Variants in IGSF10 observed in about 807,000 individuals in gnomAD.
IGSF10 encodes immunoglobulin superfamily member 10, also known as calvaria mechanical force protein 608.
In IGSF10, 126 loss-of-function variants were observed where a neutral mutation model predicts 128.2. The ratio of observed to expected loss-of-function variants is 0.98; its 90% CI spans 0.85 to 1.14. The LOEUF (loss-of-function observed/expected upper bound fraction) is 1.14. Among genes scored for constraint, IGSF10 ranks in the 50% most tolerant of loss-of-function variants. The probability of loss-of-function intolerance (pLI) is 0.00; values close to 1 mark genes in which losing one functional copy is unlikely to be tolerated. For missense variants in IGSF10, 3,295 were observed against 3,149.8 expected (o/e 1.05, Z -1.10); for synonymous variants, 1,185 against 1,146.2 (o/e 1.03, Z -0.68).
chr3:151,484,399 A>T, the IGSF10 span, among the ~76,000 whole-genome samples: 115 of 152,214 alleles, frequency 7.6e-4, no homozygotes, highest in African/African-American at 2.7e-3. Flanking sequence ...AATGTCCCTG[A>T]CTGATGGCTC....
chr3:151,457,271 T>G (rs1721841183), intron 3 of IGSF10, 116 bp from the exon 4 acceptor site: 1 of 958,322 alleles, frequency 1.0e-6, no homozygotes, highest in African/African-American at 1.7e-5. Flanking sequence ...TGTACTCTAT[T>G]GAGACAATCA....
At chr3:151,480,992 G>A in the IGSF10 span, among the ~76,000 whole-genome samples, 1 of 152,084 alleles carries the variant, frequency 6.6e-6, no homozygotes, top group Non-Finnish European at 1.5e-5. Context: ...AGGAATTATT[G>A]GTGTCCCTAG....
rs1721151994 is a variant in IGSF10, at chr3:151,445,814, A to G, written c.4167T>C (p.Ser1389=). Residue 1389 remains serine, a synonymous_variant, in exon 6 of 8, where the codon AGT becomes AGC. Transcript: ENST00000282466. ...GTGGGGAATGAGTGAATGCAGAGAC[A>G]CTGGGCTTGACTGAAGTTTCGGCTG... ...LTTAETSVKP[S]VSAFTHSPPE... The G allele has an allele frequency of 1.2e-6, 2 of 1,614,214 alleles. No individual in the cohort carries two copies. Among genetic ancestry groups the G allele is most frequent in the Non-Finnish European group, 1.7e-6 (2 of 1,180,052 alleles).
the IGSF10 span, among the ~76,000 whole-genome samples, chr3:151,532,108 C>A: frequency 6.6e-6 from 1 of 152,170 alleles, no homozygotes; most frequent in African/African-American, 2.4e-5. Flanking sequence ...GACACATACA[C>A]CCTCCCAAGA....
chr3:151,549,147 A>G, the IGSF10 span, among the ~76,000 whole-genome samples: 1 of 152,136 alleles, frequency 6.6e-6, no homozygotes, highest in Non-Finnish European at 1.5e-5. Context: ...CTCATAGTTA[A>G]GAATAGGACA....
At chr3:151,605,675 G>T in the IGSF10 span, among the ~76,000 whole-genome samples, 1 of 152,152 alleles carries the variant, frequency 6.6e-6, no homozygotes, top group Non-Finnish European at 1.5e-5. Context: ...GGTTAGACAG[G>T]CTAGGTGACT....
At chr3:151,515,071 G>C in the IGSF10 span, among the ~76,000 whole-genome samples, 67 of 152,124 alleles carry the variant, frequency 4.4e-4, no homozygotes, top group African/African-American at 1.4e-3. Context: ...AATTCCTCAA[G>C]GATCTAGAAC....
Position 151,436,208 on chromosome 3 carries a change from T to C in IGSF10, c.*481A>G, listed in dbSNP as rs1341047162. On this transcript the variant is annotated 3_prime_UTR_variant, in exon 8 of 8. Coordinates refer to ENST00000282466, the MANE Select transcript of IGSF10 (RefSeq NM_178822.5). ...ATAAGACAGTTCAGTGCTTATTTTCTGTAGGTTTTAGCAAAAAAATTTATA... is the reference window on the plus strand; with the variant it reads ...ATAAGACAGTTCAGTGCTTATTTTCCGTAGGTTTTAGCAAAAAAATTTATA... 6.5e-6 allele frequency: 1 copy of C among 153,934 alleles called. No individual in the cohort carries two copies. Among genetic ancestry groups the C allele is most frequent in the African/African-American group, 2.4e-5 (1 of 41,422 alleles). The allele number at this position is 153,934 out of a possible 1,614,324, so 9.5% of individuals were successfully genotyped here. A position where few individuals can be genotyped will look rare whatever the true frequency, so the allele number is the denominator to read the frequency against.
the IGSF10 span, among the ~76,000 whole-genome samples, chr3:151,571,514 C>T: frequency 6.6e-6 from 1 of 152,028 alleles, no homozygotes; most frequent in African/African-American, 2.4e-5. Context: ...TGATTTGGCT[C>T]TCTCTTTGTC....
chr3:151,488,801 T>C, the IGSF10 span, among the ~76,000 whole-genome samples: 1 of 152,198 alleles, frequency 6.6e-6, no homozygotes, highest in African/African-American at 2.4e-5. Context: ...ATCCCTTCCT[T>C]ACACCTTATA....
chr3:151,619,036 T>G, the IGSF10 span, among the ~76,000 whole-genome samples: 2 of 151,504 alleles, frequency 1.3e-5, no homozygotes, highest in African/African-American at 4.8e-5. Context: ...TAATGAAAAT[T>G]AATAAATAGA....
At chr3:151,553,912 G>A in the IGSF10 span, among the ~76,000 whole-genome samples, 1 of 151,526 alleles carries the variant, frequency 6.6e-6, no homozygotes, top group Non-Finnish European at 1.5e-5. Flanking sequence ...ACAGAAGGTG[G>A]AGATCAGCTT....
At chr3:151,486,428 A>G in the IGSF10 span, among the ~76,000 whole-genome samples, 1 of 152,176 alleles carries the variant, frequency 6.6e-6, no homozygotes, top group African/African-American at 2.4e-5. Context: ...ATTAACAAGG[A>G]TATCCAGGAG....
chr3:151,586,207 A>T, the IGSF10 span, among the ~76,000 whole-genome samples: 1 of 152,102 alleles, frequency 6.6e-6, no homozygotes, highest in Non-Finnish European at 1.5e-5. Flanking sequence ...CGATCCGCCC[A>T]CCTCAGCCTT....
intron 7 of IGSF10, chr3:151,440,658 T>C (rs1348601136): frequency 4.4e-6 from 2 of 456,678 alleles, no homozygotes; most frequent in East Asian, 1.4e-4. Context: ...CTAAAAGTAT[T>C]GGTTCTTAAA....
the IGSF10 span, among the ~76,000 whole-genome samples, chr3:151,542,655 G>T: frequency 6.8e-6 from 1 of 147,104 alleles, no homozygotes; most frequent in African/African-American, 2.4e-5. Context: ...AGTAAGAAAT[G>T]TTTATAGTAA....
chr3:151,519,076 C>A, the IGSF10 span, among the ~76,000 whole-genome samples: 1 of 151,872 alleles, frequency 6.6e-6, no homozygotes, highest in Non-Finnish European at 1.5e-5. Context: ...TGGGAGATCA[C>A]AGAATATGTA....
chr3:151,548,774 G>T, the IGSF10 span, among the ~76,000 whole-genome samples: 1 of 151,318 alleles, frequency 6.6e-6, no homozygotes, highest in African/African-American at 2.4e-5. Context: ...TTATTTAGAG[G>T]CCAGACCTCT....
At chr3:151,508,914 A>G in the IGSF10 span, among the ~76,000 whole-genome samples, 9 of 152,202 alleles carry the variant, frequency 5.9e-5, no homozygotes, top group Non-Finnish European at 1.0e-4. Flanking sequence ...GCTATCAATT[A>G]TAATTATGGT....
Sources: gnomAD v4.1 joint callset for allele counts (sites outside exome capture counted in the v4.1 genomes callset) on GRCh38, gnomAD v4.1.1 for gene constraint, MANE v1.5 for transcripts, NCBI Gene and HGNC (gene_info 2026-07-23, HGNC 2026-07-21) for gene names.